ADPGK: variants seen among roughly 807,000 people sequenced by gnomAD.
ADPGK encodes ADP dependent glucokinase.
ADPGK carries 26 observed loss-of-function variants against 42.4 expected under a neutral mutation model. The ratio of observed to expected loss-of-function variants is 0.61; its 90% CI spans 0.45 to 0.85. The LOEUF (loss-of-function observed/expected upper bound fraction) is 0.85. Among genes scored for constraint, ADPGK ranks in the 40% least tolerant of loss-of-function variants. The probability of loss-of-function intolerance (pLI) is 0.00; values close to 1 mark genes in which losing one functional copy is unlikely to be tolerated. For synonymous variants in ADPGK, 267 were observed against 252.6 expected, an observed-to-expected ratio of 1.06 and a Z score of -0.54; for missense variants, 571 against 627.0, an observed-to-expected ratio of 0.91 and a Z score of 0.95.
intron 6 of ADPGK, among the ~76,000 whole-genome samples, chr15:72,754,612 G>A (rs1394164517): frequency 6.6e-6 from 1 of 152,186 alleles, no homozygotes; most frequent in Non-Finnish European, 1.5e-5. Context: ...GCAGCACTGT[G>A]TGTAACAGCA....
In ADPGK at chr15:72,752,197, T is replaced by C. The variant is rs980973516; in HGVS notation, c.*144A>G. On this transcript the variant is annotated 3_prime_UTR_variant, in exon 7 of 7. Coordinates refer to ENST00000456471, the MANE Select transcript of ADPGK (RefSeq NM_001365225.1). ...TTCGGATTAAAATCTGAAATGTTTT[T>C]ATGGAGTTGCCAACAGGCTGGAATG... is the stretch of plus-strand genomic sequence containing the variant. The C allele has an allele frequency of 3.1e-5, 26 of 830,866 alleles. No individual in the cohort carries two copies. The African/African-American group carries it at 4.0e-4, about 13-fold the overall frequency. The allele number at this position is 830,866 out of a possible 1,614,324, so 51.5% of individuals were successfully genotyped here.
rs1170295465 is a variant in ADPGK, at chr15:72,783,506, G to T, written c.186C>A (p.Asp62Glu). 8.9e-6 allele frequency: 13 copies of T among 1,467,796 alleles called. No individual in the cohort carries two copies. Among genetic ancestry groups the T allele is most frequent in the Non-Finnish European group, 1.2e-5 (13 of 1,116,896 alleles). The allele number at this position is 1,467,796 out of a possible 1,614,324, so 90.9% of individuals were successfully genotyped here. Residue 62 changes from aspartate to glutamate, a missense_variant, in exon 1 of 7, where the codon GAC becomes GAA. Physicochemically the swap from Asp to Glu is conservative, Grantham distance 45 (BLOSUM62 2). Coordinates refer to ENST00000456471, the MANE Select transcript of ADPGK (RefSeq NM_001365225.1). Reference sequence around the variant, plus strand: ...GCCGGACTGGCCGCACGATAAGCGCGTCCCAGGCTGCCGCCAACCGGCCCT... The same window carrying T: ...GCCGGACTGGCCGCACGATAAGCGCTTCCCAGGCTGCCGCCAACCGGCCCT... ...SPEGRLAAAW[D>E]ALIVRPVRRW...
At position 72,783,214 on chromosome 15, in the gene ADPGK, G is replaced by T. The variant is rs2066489841; in HGVS notation, c.233+245C>A. 2.4e-6 allele frequency: 3 copies of T among 1,226,282 alleles called. No individual in the cohort carries two copies. In the East Asian group the frequency reaches 9.6e-5, roughly 39 times the overall value. 76.0% of individuals were successfully genotyped at this position (1,226,282 alleles called of 1,614,324 possible). A position where few individuals can be genotyped will look rare whatever the true frequency, so the allele number is the denominator to read the frequency against. ...CGGAGAAAGGTGTCAGACAAAGCGG[G>T]ATTAGCAAGAAGCTGTTAGGGCTGG... On this transcript the variant is annotated intron_variant, in intron 1 of 6. Transcript: ENST00000456471.
intron 1 of ADPGK, among the ~76,000 whole-genome samples, chr15:72,780,513 T>C (rs1265143357): frequency 6.6e-6 from 1 of 152,214 alleles, no homozygotes; most frequent in East Asian, 1.9e-4. Context: ...TATTTAATAC[T>C]GGGCTGGGTG....
At chr15:72,772,979 T>C (rs1470571734) in intron 2 of ADPGK, among the ~76,000 whole-genome samples, 1 of 152,158 alleles carries the variant, frequency 6.6e-6, no homozygotes, top group Non-Finnish European at 1.5e-5. Context: ...CTATCCCAGC[T>C]TCCTAGTCCT....
chr15:72,768,373 G>A (rs1203139506), intron 3 of ADPGK, among the ~76,000 whole-genome samples: 6 of 152,108 alleles, frequency 3.9e-5, no homozygotes, highest in African/African-American at 1.2e-4. Context: ...CACTCACTCT[G>A]TTTTAAAAAT....
At chr15:72,782,109 C>T (rs2066465779) in intron 1 of ADPGK, among the ~76,000 whole-genome samples, 2 of 152,200 alleles carry the variant, frequency 1.3e-5, no homozygotes, top group Non-Finnish European at 2.9e-5. Flanking sequence ...GCCCAAATGA[C>T]TGATACAATA....
chr15:72,754,459 T>A (rs1275992270), intron 6 of ADPGK, among the ~76,000 whole-genome samples: 1 of 152,228 alleles, frequency 6.6e-6, no homozygotes, highest in East Asian at 1.9e-4. Flanking sequence ...TAAACTGGTA[T>A]AATTCTTATG....
intron 4 of ADPGK, chr15:72,757,627 A>T (rs1407333553): frequency 2.5e-5 from 4 of 160,698 alleles, no homozygotes; most frequent in African/African-American, 9.6e-5. Context: ...AGCCATGGGA[A>T]TGAATTAACA....
chr15:72,782,988 GA>G (rs2066484932), intron 1 of ADPGK: 1 of 157,584 alleles, frequency 6.3e-6, no homozygotes, highest in South Asian at 2.0e-4. Flanking sequence ...AGGCAAATCT[GA>G]GAGGAGTTGC....
intron 4 of ADPGK, chr15:72,756,659 C>T (rs1204228157): frequency 1.7e-6 from 1 of 592,278 alleles, no homozygotes; most frequent in Non-Finnish European, 3.0e-6. Flanking sequence ...GAAACAGAAA[C>T]ATAGTATGGG....
chr15:72,782,403 T>C (rs1377101868), intron 1 of ADPGK, among the ~76,000 whole-genome samples: 1 of 151,826 alleles, frequency 6.6e-6, no homozygotes, highest in Non-Finnish European at 1.5e-5. Flanking sequence ...TGCTTGCCTG[T>C]CGTCCCAGCT....
At chr15:72,753,962 C>T (rs1359228189) in intron 6 of ADPGK, among the ~76,000 whole-genome samples, 1 of 151,894 alleles carries the variant, frequency 6.6e-6, no homozygotes, top group East Asian at 1.9e-4. Context: ...AACAAATGTA[C>T]CACTCTGGTG....
At chr15:72,763,318 ATTT>A (rs34099103) in intron 3 of ADPGK, among the ~76,000 whole-genome samples, 6 of 123,664 alleles carry the variant, frequency 4.9e-5, no homozygotes, top group Non-Finnish European at 6.6e-5. Context: ...CACTCGGCTA[ATTT>A]TTTTTTTTTT....
At chr15:72,773,750 A>G (rs944935044) in intron 2 of ADPGK, among the ~76,000 whole-genome samples, 1 of 152,256 alleles carries the variant, frequency 6.6e-6, no homozygotes, top group African/African-American at 2.4e-5. Flanking sequence ...CTCACTACTG[A>G]TCCCAGTTGT....
chr15:72,759,030 C>T (rs1166907823), intron 4 of ADPGK, among the ~76,000 whole-genome samples: 1 of 152,192 alleles, frequency 6.6e-6, no homozygotes, highest in Non-Finnish European at 1.5e-5. Context: ...CCTCCGCCTC[C>T]CAGGCTCAAG....
chr15:72,777,275 G>C (rs1265117562), intron 1 of ADPGK, among the ~76,000 whole-genome samples: 1 of 152,096 alleles, frequency 6.6e-6, no homozygotes, highest in Non-Finnish European at 1.5e-5. Flanking sequence ...GAGTAAGGAG[G>C]GATACCATTT....
rs1366877059 is a variant in ADPGK at position 72,758,784 on chromosome 15, A to C, written c.643+1623T>G. On this transcript the variant is annotated intron_variant, in intron 4 of 6. Transcript: ENST00000456471. Reference sequence around the variant, plus strand: ...TCTCCACTCTGTAGTCACCAGGAAAAATGACAAACCAGGAATCACAAAGGT... The same window carrying C: ...TCTCCACTCTGTAGTCACCAGGAAACATGACAAACCAGGAATCACAAAGGT... Among the ~76,000 whole-genome samples, 6 of 152,260 alleles carry C rather than the reference A, an allele frequency of 3.9e-5. No individual in the cohort carries two copies. The East Asian group carries it at 9.7e-4, about 24-fold the overall frequency.
intron 2 of ADPGK, among the ~76,000 whole-genome samples, chr15:72,772,065 T>C (rs2066335381): frequency 6.6e-6 from 1 of 152,182 alleles, no homozygotes; most frequent in Admixed American, 6.5e-5. Flanking sequence ...AAAATGAGTC[T>C]GATTGCTTTA....
Sources: gnomAD v4.1 joint callset for allele counts (sites outside exome capture counted in the v4.1 genomes callset) on GRCh38, gnomAD v4.1.1 for gene constraint, MANE v1.5 for transcripts, NCBI Gene and HGNC (gene_info 2026-07-23, HGNC 2026-07-21) for gene names.